The following EHBP1 variants were observed in gnomAD, a reference collection of about 807,000 sequenced individuals.
EHBP1 encodes EH domain binding protein 1.
A neutral mutation model predicts 144.0 loss-of-function variants in EHBP1; 55 were observed. That is an observed-to-expected ratio of 0.38 (90% confidence interval 0.31 to 0.48). The LOEUF (loss-of-function observed/expected upper bound fraction) is 0.48, where lower values mean the gene tolerates loss of function less well. EHBP1 is among the 20% of genes least tolerant of loss of function. The pLI, the probability that EHBP1 is intolerant of heterozygous loss-of-function variation, is 0.98. For missense variants in EHBP1, 1,200 were observed against 1,364.2 expected (o/e 0.88, Z 1.90); for synonymous variants, 469 against 472.7 (o/e 0.99, Z 0.10).
chr2:62,867,653 A>G lies in EHBP1; in HGVS notation c.998+2682A>G, dbSNP rs543688987. 1.8e-4 allele frequency among the ~76,000 whole-genome samples: 28 copies of G among 152,346 alleles called. No homozygotes were observed. In the South Asian group the frequency reaches 5.4e-3, roughly 29 times the overall value. On this transcript the variant is annotated intron_variant, in intron 9 of 22. Transcript: ENST00000431489. Reference sequence around the variant, plus strand: ...TTATTTTCAGTCAATTTATAAATTCAGTGCCATCCCAATCAAAATTTTAGC... The same window carrying G: ...TTATTTTCAGTCAATTTATAAATTCGGTGCCATCCCAATCAAAATTTTAGC...
intron 21 of EHBP1, among the ~76,000 whole-genome samples, chr2:63,043,123 AGAT>A (rs1284223879): frequency 6.6e-6 from 1 of 152,170 alleles, no homozygotes; most frequent in Non-Finnish European, 1.5e-5. Context: ...AAATTAGACT[AGAT>A]GACCTTTAAG....
intron 13 of EHBP1, among the ~76,000 whole-genome samples, chr2:62,954,382 A>T (rs1342111005): frequency 6.6e-6 from 1 of 152,196 alleles, no homozygotes; most frequent in African/African-American, 2.4e-5. Flanking sequence ...ACTTAGACTT[A>T]TCGTTATCAC....
At chr2:62,920,339 CA>C (rs1215216558) in intron 10 of EHBP1, among the ~76,000 whole-genome samples, 1 of 151,912 alleles carries the variant, frequency 6.6e-6, no homozygotes, top group Non-Finnish European at 1.5e-5. Context: ...TGCTAAAAGA[CA>C]AAAAAACTGC....
intron 6 of EHBP1, among the ~76,000 whole-genome samples, chr2:62,828,761 CA>C (rs1558744898): frequency 6.6e-6 from 1 of 152,190 alleles, no homozygotes; most frequent in Non-Finnish European, 1.5e-5. Context: ...ATCTGATTTG[CA>C]AACTGTCTCA....
intron 5 of EHBP1, among the ~76,000 whole-genome samples, chr2:62,775,645 A>G (rs138304953): frequency 5.9e-5 from 9 of 152,346 alleles, no homozygotes; most frequent in Non-Finnish European, 8.8e-5. Flanking sequence ...CTCCAAATAT[A>G]TATCACTGTA....
At chr2:62,819,794 A>T (rs956199830) in intron 5 of EHBP1, among the ~76,000 whole-genome samples, 1 of 151,970 alleles carries the variant, frequency 6.6e-6, no homozygotes, top group Non-Finnish European at 1.5e-5. Context: ...ACCCGCGACA[A>T]CCCATATGTC....
intron 1 of EHBP1, among the ~76,000 whole-genome samples, chr2:62,693,839 T>G (rs1303892359): frequency 1.3e-5 from 2 of 152,210 alleles, no homozygotes; most frequent in African/African-American, 4.8e-5. Context: ...ATCAACTTTT[T>G]AGCTCCCACA....
intron 5 of EHBP1, among the ~76,000 whole-genome samples, chr2:62,791,639 G>GA (rs1448561289): frequency 6.6e-6 from 1 of 151,906 alleles, no homozygotes; most frequent in African/African-American, 2.4e-5. Context: ...AATAGGTTAT[G>GA]ATGTCAAGTT....
chr2:62,943,879 T>C (rs767136663), intron 12 of EHBP1, 29 bp downstream of exon 12: 19 of 1,559,604 alleles, frequency 1.2e-5, no homozygotes, highest in African/African-American at 2.7e-5. Flanking sequence ...GAAAAATACG[T>C]AGTTTCAATT....
At chr2:62,880,429 C>CA (rs932608644) in intron 10 of EHBP1, among the ~76,000 whole-genome samples, 2 of 147,850 alleles carry the variant, frequency 1.4e-5, no homozygotes, top group African/African-American at 5.0e-5. Context: ...AAACAAAAAA[C>CA]AAAAAACAAA....
At chr2:63,026,955 T>C (rs1341706210) in intron 19 of EHBP1, among the ~76,000 whole-genome samples, 2 of 152,102 alleles carry the variant, frequency 1.3e-5, no homozygotes, top group African/African-American at 4.8e-5. Flanking sequence ...GTTTTGAAGG[T>C]TTTTTGTGTT....
At chr2:62,678,740 GA>G (rs1406408349) in intron 1 of EHBP1, among the ~76,000 whole-genome samples, 1 of 151,964 alleles carries the variant, frequency 6.6e-6, no homozygotes, top group African/African-American at 2.4e-5. Flanking sequence ...AGTTAAAACA[GA>G]AATAAATATC....
chr2:62,779,203 C>A (rs1384549759), intron 5 of EHBP1, among the ~76,000 whole-genome samples: 1 of 152,134 alleles, frequency 6.6e-6, no homozygotes, highest in African/African-American at 2.4e-5. Flanking sequence ...TAATGTTCCA[C>A]CCCCTCTGGA....
intron 12 of EHBP1, among the ~76,000 whole-genome samples, chr2:62,947,676 C>T (rs753987290): frequency 3.3e-5 from 5 of 152,190 alleles, no homozygotes; most frequent in Non-Finnish European, 7.4e-5. Flanking sequence ...AATGCAGCCT[C>T]ACATTCTCAA....
At chr2:62,996,537 C>A in intron 18 of EHBP1, 106 bp from the exon 19 acceptor site, 1 of 1,381,630 alleles carries the variant, frequency 7.2e-7, no homozygotes, top group Non-Finnish European at 1.0e-6. Context: ...GTGATACTAA[C>A]GGTGTATTTG....
At chr2:62,846,898 T>G (rs755452903) in intron 7 of EHBP1, among the ~76,000 whole-genome samples, 1 of 152,202 alleles carries the variant, frequency 6.6e-6, no homozygotes, top group Non-Finnish European at 1.5e-5. Flanking sequence ...TAAGATATCA[T>G]TTTTCCTCAA....
chr2:62,732,641 A>G (rs2037720346), intron 2 of EHBP1, among the ~76,000 whole-genome samples: 1 of 152,112 alleles, frequency 6.6e-6, no homozygotes, highest in African/African-American at 2.4e-5. Context: ...TTTGCCATGA[A>G]TTAAAGTTTC....
chr2:62,937,100 C>T (rs190761944), intron 10 of EHBP1, among the ~76,000 whole-genome samples: 1 of 152,292 alleles, frequency 6.6e-6, no homozygotes, highest in Non-Finnish European at 1.5e-5. Context: ...GGGTTAATTG[C>T]CTTTTTTGAA....
At chr2:62,854,248 C>T (rs1163504527) in intron 7 of EHBP1, among the ~76,000 whole-genome samples, 1 of 152,182 alleles carries the variant, frequency 6.6e-6, no homozygotes, top group Non-Finnish European at 1.5e-5. Flanking sequence ...CTATCCAGGC[C>T]ATTAAAGCTT....
Sources: allele counts gnomAD v4.1 joint callset (sites outside exome capture counted in the v4.1 genomes callset), GRCh38; gene constraint gnomAD v4.1.1; transcripts MANE v1.5; gene names NCBI Gene and HGNC (gene_info 2026-07-23, HGNC 2026-07-21).